KAZN: variants seen among roughly 807,000 people sequenced by gnomAD.
The protein encoded by KAZN is kazrin.
In KAZN, 40 loss-of-function variants were observed where a neutral mutation model predicts 87.4. The ratio of observed to expected loss-of-function variants is 0.46; its 90% confidence interval spans 0.36 to 0.60. KAZN has a LOEUF of 0.60. Among genes scored for constraint, KAZN ranks in the 20% least tolerant of loss-of-function variants. The probability of loss-of-function intolerance (pLI) is 0.00; values close to 1 mark genes in which losing one functional copy is unlikely to be tolerated. For missense variants in KAZN, 898 were observed against 1,073.9 expected (o/e 0.84, Z 2.29); for synonymous variants, 466 against 458.3 (o/e 1.02, Z -0.22).
chr1:14,103,426 T>C (rs1431687844), intron 1 of KAZN, among the ~76,000 whole-genome samples: 1 of 152,180 alleles, frequency 6.6e-6, no homozygotes, highest in African/African-American at 2.4e-5. Flanking sequence ...AAATTACAAG[T>C]TTAGCAGCTT....
At chr1:14,093,082 C>T (rs1052006341) in intron 1 of KAZN, among the ~76,000 whole-genome samples, 26 of 152,186 alleles carry the variant, frequency 1.7e-4, no homozygotes, top group African/African-American at 4.1e-4. Context: ...GCCAGATACA[C>T]GTCCACTGTG....
At chr1:13,975,296 CT>C (rs1638281690) in intron 1 of KAZN, among the ~76,000 whole-genome samples, 1 of 152,184 alleles carries the variant, frequency 6.6e-6, no homozygotes, top group African/African-American at 2.4e-5. Context: ...TTCAAGGCCA[CT>C]GTTCAGAACA....
intron 1 of KAZN, among the ~76,000 whole-genome samples, chr1:14,904,527 C>T (rs1656289563): frequency 6.6e-6 from 1 of 152,192 alleles, no homozygotes; most frequent in Non-Finnish European, 1.5e-5. Flanking sequence ...GGACGTCCCC[C>T]TGTATGTGCC....
intron 2 of KAZN, among the ~76,000 whole-genome samples, chr1:14,252,938 T>C (rs1242219997): frequency 6.6e-6 from 1 of 152,110 alleles, no homozygotes; most frequent in African/African-American, 2.4e-5. Flanking sequence ...ACTGTTTGCA[T>C]CAACTGGCAG....
rs1048360193 is a variant in KAZN, at chr1:15,077,405, A to AGCAGG, written c.1222+11655_1222+11659dup. Among the ~76,000 whole-genome samples, 4 of 152,308 alleles carry AGCAGG rather than the reference A, an allele frequency of 2.6e-5. No individual in the cohort carries two copies. Among genetic ancestry groups the AGCAGG allele is most frequent in the African/African-American group, 9.6e-5 (4 of 41,566 alleles). On this transcript the variant is annotated intron_variant, in intron 8 of 14. Transcript: ENST00000376030. This position sits in a 1 kb window ranked among gnomAD's most constrained non-coding sequence, Gnocchi z 4.8. ...GTCCTCCACTCCCTGACGGCCAGGC[A>AGCAGG]GCAGGGCTCCACGCTTGTTTCTCAA...
intron 1 of KAZN, among the ~76,000 whole-genome samples, chr1:13,999,375 AAAAAAAC>A (rs1447074536): frequency 8.3e-6 from 1 of 120,600 alleles, no homozygotes; most frequent in African/African-American, 3.3e-5. Context: ...AACAAAAAAC[AAAAAAAC>A]AAACAAAAAA....
chr1:14,424,752 CT>C (rs1270088614), intron 2 of KAZN, among the ~76,000 whole-genome samples: 1 of 152,232 alleles, frequency 6.6e-6, no homozygotes, highest in East Asian at 1.9e-4. Flanking sequence ...TTATTCCTAT[CT>C]CCTACATCTT....
chr1:14,977,773 A>C (rs1009062831), intron 2 of KAZN, among the ~76,000 whole-genome samples: 1 of 151,930 alleles, frequency 6.6e-6, no homozygotes, highest in African/African-American at 2.4e-5. Context: ...TCTGCCCACG[A>C]AGCCAAGCAG....
intron 2 of KAZN, among the ~76,000 whole-genome samples, chr1:15,017,542 G>A (rs61772180): frequency 0.075 from 11,486 of 152,140 alleles, 544 homozygotes; most frequent in Non-Finnish European, 0.11. Context: ...GGTGGCTCAC[G>A]CCTGTAATCC....
intron 1 of KAZN, among the ~76,000 whole-genome samples, chr1:13,998,025 C>A (rs1570485024): frequency 6.6e-6 from 1 of 152,150 alleles, no homozygotes; most frequent in Non-Finnish European, 1.5e-5. Context: ...TAACAGCAGA[C>A]CTTTCAGGAG....
intron 1 of KAZN, among the ~76,000 whole-genome samples, chr1:14,905,821 C>T (rs1442984541): frequency 1.3e-5 from 2 of 149,976 alleles, no homozygotes; most frequent in South Asian, 2.1e-4. Context: ...CCAGCCTGGG[C>T]GAGACTGTGA....
At chr1:14,069,110 T>C (rs1031295888) in intron 1 of KAZN, among the ~76,000 whole-genome samples, 11 of 152,106 alleles carry the variant, frequency 7.2e-5, no homozygotes, top group Non-Finnish European at 1.0e-4. Context: ...TGTTGAGTTA[T>C]CAAGCAAGGT....
chr1:14,251,181 C>G (rs1170177864), intron 2 of KAZN, among the ~76,000 whole-genome samples: 1 of 152,188 alleles, frequency 6.6e-6, no homozygotes, highest in East Asian at 1.9e-4. Flanking sequence ...GAATGGGGAA[C>G]ATTGACATTG....
intron 1 of KAZN, among the ~76,000 whole-genome samples, chr1:14,951,349 G>A (rs966721893): frequency 6.6e-6 from 1 of 151,906 alleles, no homozygotes; most frequent in Non-Finnish European, 1.5e-5. Context: ...TGTTGAATAC[G>A]TTAATAACAT....
intron 1 of KAZN, among the ~76,000 whole-genome samples, chr1:14,752,977 A>G (rs577356312): frequency 7.2e-5 from 11 of 152,290 alleles, no homozygotes; most frequent in African/African-American, 2.6e-4. Flanking sequence ...ACAAAGGATC[A>G]TTTTATCTCA....
At chr1:15,030,294 GTC>G (rs1491022511) in intron 2 of KAZN, among the ~76,000 whole-genome samples, 1 of 152,002 alleles carries the variant, frequency 6.6e-6, no homozygotes, top group Non-Finnish European at 1.5e-5. Flanking sequence ...TTGAGACAGA[GTC>G]TCACTCTGTC....
intron 1 of KAZN, among the ~76,000 whole-genome samples, chr1:14,937,842 C>T (rs1481476064): frequency 6.6e-6 from 1 of 152,232 alleles, no homozygotes; most frequent in Non-Finnish European, 1.5e-5. Context: ...TGATTGCTCT[C>T]CTTTAGAGGT....
At chr1:14,317,258 A>G (rs961797170) in intron 2 of KAZN, among the ~76,000 whole-genome samples, 2 of 151,922 alleles carry the variant, frequency 1.3e-5, no homozygotes, top group African/African-American at 2.4e-5. Flanking sequence ...ATTGACCCCT[A>G]TATCATTGTA....
intron 1 of KAZN, among the ~76,000 whole-genome samples, chr1:13,949,398 G>A (rs1446530793): frequency 6.6e-6 from 1 of 152,166 alleles, no homozygotes; most frequent in Non-Finnish European, 1.5e-5. Flanking sequence ...GGGTTGACTG[G>A]CTTTGAAAGC....
Sources: gnomAD v4.1 joint callset for allele counts (sites outside exome capture counted in the v4.1 genomes callset) on GRCh38, gnomAD v4.1.1 for gene constraint, Gnocchi (gnomAD v3.1) non-coding constraint, MANE v1.5 for transcripts, NCBI Gene and HGNC (gene_info 2026-07-23, HGNC 2026-07-21) for gene names.